The following CDK14 variants were observed in gnomAD, a reference collection of about 807,000 sequenced individuals.
CDK14 encodes the protein cyclin-dependent kinase 14.
CDK14 carries 34 observed loss-of-function variants against 60.7 expected under a neutral mutation model. The ratio of observed to expected loss-of-function variants is 0.56; its 90% confidence interval spans 0.43 to 0.75. The LOEUF is 0.75. Ranked by LOEUF, CDK14 falls within the 30% of genes least tolerant of loss-of-function variation. The probability of loss-of-function intolerance (pLI) is 0.00; values close to 1 mark genes in which losing one functional copy is unlikely to be tolerated. For missense variants in CDK14, 482 were observed against 564.1 expected (o/e 0.85, Z 1.47); for synonymous variants, 197 against 203.7 (o/e 0.97, Z 0.28).
intron 2 of CDK14, among the ~76,000 whole-genome samples, chr7:90,706,537 A>G (rs988533875): frequency 6.6e-6 from 1 of 152,188 alleles, no homozygotes; most frequent in Non-Finnish European, 1.5e-5. Context: ...GGGAAGGAAG[A>G]CAAACAAAGT....
chr7:90,728,209 T>C (rs1256907005), intron 3 of CDK14, among the ~76,000 whole-genome samples: 1 of 152,102 alleles, frequency 6.6e-6, no homozygotes, highest in African/African-American at 2.4e-5. Context: ...TTTTCATCCC[T>C]GGTGTCATCC....
intron 14 of CDK14, among the ~76,000 whole-genome samples, chr7:91,178,993 A>G (rs568735380): frequency 3.2e-3 from 480 of 152,318 alleles, no homozygotes; most frequent in Middle Eastern, 6.8e-3. Context: ...TGCTGCTATA[A>G]AGACACATGC....
chr7:91,060,330 C>G (rs369988154), intron 11 of CDK14, among the ~76,000 whole-genome samples: 2 of 151,824 alleles, frequency 1.3e-5, no homozygotes, highest in South Asian at 4.2e-4. Flanking sequence ...ATACAGCACA[C>G]TAATGGGTCT....
chr7:91,059,887 T>C (rs1303980245), intron 11 of CDK14, among the ~76,000 whole-genome samples: 1 of 152,230 alleles, frequency 6.6e-6, no homozygotes, highest in Non-Finnish European at 1.5e-5. Flanking sequence ...TTCTGTTGAT[T>C]TGGGGTGGAG....
At chr7:91,192,716 A>G (rs914915076) in intron 14 of CDK14, among the ~76,000 whole-genome samples, 1 of 152,204 alleles carries the variant, frequency 6.6e-6, no homozygotes, top group African/African-American at 2.4e-5. Context: ...AATGGGTACT[A>G]TAGAATTAAT....
chr7:90,631,903 G>A (rs1327763684), intron 2 of CDK14: 1 of 152,358 alleles, frequency 6.6e-6, no homozygotes, highest in South Asian at 2.1e-4. Context: ...GTGCATGGCT[G>A]CCATGTTGCA....
chr7:91,145,582 C>A (rs1322460439), intron 14 of CDK14, among the ~76,000 whole-genome samples: 1 of 152,218 alleles, frequency 6.6e-6, no homozygotes, highest in African/African-American at 2.4e-5. Context: ...GCAACGTTCA[C>A]AATCCATGCT....
intron 10 of CDK14, among the ~76,000 whole-genome samples, chr7:91,002,107 A>G (rs9655994): frequency 0.098 from 14,876 of 152,256 alleles, 976 homozygotes; most frequent in African/African-American, 0.18. Context: ...GAGGTTAAAG[A>G]ATTCATAGCC....
At chr7:91,085,232 T>C (rs1459426832) in intron 12 of CDK14, among the ~76,000 whole-genome samples, 1 of 152,174 alleles carries the variant, frequency 6.6e-6, no homozygotes, top group Non-Finnish European at 1.5e-5. Flanking sequence ...TGGGGTTTTA[T>C]CTAGAGGCTT....
At chr7:90,928,801 C>G (rs954179489) in intron 8 of CDK14, among the ~76,000 whole-genome samples, 1 of 152,218 alleles carries the variant, frequency 6.6e-6, no homozygotes, top group African/African-American at 2.4e-5. Context: ...CTTTTGTTCA[C>G]CTATGTGCTG....
intron 9 of CDK14, among the ~76,000 whole-genome samples, chr7:90,977,918 C>G (rs1403822242): frequency 2.0e-5 from 3 of 152,090 alleles, no homozygotes; most frequent in Non-Finnish European, 4.4e-5. Flanking sequence ...AGGAGACACA[C>G]CCCCAAAAGC....
At chr7:90,700,124 T>C (rs1032935752) in intron 2 of CDK14, among the ~76,000 whole-genome samples, 7 of 152,132 alleles carry the variant, frequency 4.6e-5, no homozygotes, top group Admixed American at 1.3e-4. Flanking sequence ...GGAAAAAATA[T>C]GTCTCTGTCG....
At chr7:90,964,014 G>A (rs1794682578) in intron 9 of CDK14, among the ~76,000 whole-genome samples, 1 of 152,096 alleles carries the variant, frequency 6.6e-6, no homozygotes, top group South Asian at 2.1e-4. Context: ...GTGCCTGGCC[G>A]ACAAAGGTTT....
intron 14 of CDK14, among the ~76,000 whole-genome samples, chr7:91,165,095 G>A (rs927252594): frequency 6.6e-6 from 1 of 152,110 alleles, no homozygotes; most frequent in Non-Finnish European, 1.5e-5. Context: ...ATGCGGCCTG[G>A]TTCATACAGT....
intron 14 of CDK14, among the ~76,000 whole-genome samples, chr7:91,206,410 C>T (rs942468378): frequency 6.6e-6 from 1 of 152,158 alleles, no homozygotes; most frequent in Non-Finnish European, 1.5e-5. Flanking sequence ...GCTAATGAAC[C>T]GATCCCTCAG....
chr7:91,034,717 A>G (rs1247534283), intron 10 of CDK14, among the ~76,000 whole-genome samples: 1 of 152,112 alleles, frequency 6.6e-6, no homozygotes, highest in African/African-American at 2.4e-5. Context: ...GAACCTCACT[A>G]CAGATTCTGC....
intron 8 of CDK14, among the ~76,000 whole-genome samples, chr7:90,922,401 A>G (rs901469672): frequency 6.6e-6 from 1 of 152,184 alleles, no homozygotes; most frequent in Non-Finnish European, 1.5e-5. Flanking sequence ...AATAATTGAT[A>G]ATATATGAAC....
intron 4 of CDK14, among the ~76,000 whole-genome samples, chr7:90,771,546 G>C (rs1804783356): frequency 6.6e-6 from 1 of 152,238 alleles, no homozygotes; most frequent in Admixed American, 6.5e-5. Flanking sequence ...AAAATGGGTT[G>C]CTGGCTGCAA....
chr7:90,820,862 G>A (rs1789521744), intron 5 of CDK14, among the ~76,000 whole-genome samples: 1 of 152,114 alleles, frequency 6.6e-6, no homozygotes, highest in South Asian at 2.1e-4. Context: ...TCCAGACCAC[G>A]TATCCCAATT....
Sources: gnomAD v4.1 joint callset for allele counts (sites outside exome capture counted in the v4.1 genomes callset) on GRCh38, gnomAD v4.1.1 for gene constraint, MANE v1.5 for transcripts, NCBI Gene and HGNC (gene_info 2026-07-23, HGNC 2026-07-21) for gene names.